MUC12: variants seen among roughly 807,000 people sequenced by gnomAD.
MUC12 encodes the protein mucin 12, cell surface associated.
Under a neutral mutation model 230.8 loss-of-function variants are expected in MUC12, and 172 were observed. The observed-to-expected ratio is 0.75, with a 90% CI of 0.66 to 0.85. The LOEUF (loss-of-function observed/expected upper bound fraction) is 0.85. Ranked by LOEUF, MUC12 falls within the 40% of genes least tolerant of loss-of-function variation. The probability of loss-of-function intolerance (pLI) is 0.00; values close to 1 mark genes in which losing one functional copy is unlikely to be tolerated. For missense variants in MUC12, 3,506 were observed against 5,920.6 expected (o/e 0.59, Z 13.38); for synonymous variants, 1,259 against 2,401.9 (o/e 0.52, Z 13.91).
In MUC12 at chr7:101,017,552, C is replaced by T. The variant is rs952463496; in HGVS notation, c.15878-23C>T. The T allele has an allele frequency of 1.5e-5, 22 of 1,490,540 alleles. No homozygotes were observed. In the African/African-American group the frequency reaches 2.9e-4, roughly 20 times the overall value. The allele number at this position is 1,490,540 out of a possible 1,614,324, so 92.3% of individuals were successfully genotyped here. ...CCTCCCCCTACCAAGGCTCCCATCA[C>T]TCATCACGGCCTCTCCCTACAGACC... is the stretch of plus-strand genomic sequence containing the variant. On this transcript the variant is annotated intron_variant, in intron 10 of 11. Transcript: ENST00000536621.
In MUC12 at chr7:100,991,590, A is replaced by G. The variant is rs565728518; in HGVS notation, c.1027A>G (p.Thr343Ala). 23 of 1,537,002 alleles carry G rather than the reference A, an allele frequency of 1.5e-5. No individual in the cohort carries two copies. In the South Asian group the frequency reaches 1.8e-4, roughly 12 times the overall value. ...VHSSPVATAT[T>A]PPPARSATSG... ...CAGCAGCCCAGTTGCAACTGCAACA[A>G]CACCCCCACCTGCCCGCTCCGCGAC... The change falls in exon 2 of 12, where the codon ACA becomes GCA. Residue 343 changes from threonine to alanine, a missense_variant. Thr to Ala is a moderately conservative substitution (Grantham distance 58, BLOSUM62 0). Coordinates refer to ENST00000536621, the MANE Select transcript of MUC12 (RefSeq NM_001164462.2).
rs1183953265 is a variant in MUC12 at position 100,993,386 on chromosome 7, C to T, written c.2823C>T (p.Asn941=). 2.9e-6 allele frequency: 3 copies of T among 1,025,884 alleles called. 1 individual carries two copies. The African/African-American group carries it at 6.9e-5, about 24-fold the overall frequency. 63.5% of individuals were successfully genotyped at this position (1,025,884 alleles called of 1,614,324 possible). A position where few individuals can be genotyped will look rare whatever the true frequency, so the allele number is the denominator to read the frequency against. ...FGQESTTFHS[N]PGSTHTTLFP... is the part of the protein sequence containing the mutation. The stretch of plus-strand genomic sequence containing the variant: ...AAGAATCTACAACCTTCCACAGCAA[C>T]CCAGGCTCCACTCACACAACACTCT... Residue 941 remains asparagine, a synonymous_variant, in exon 2 of 12, where the codon AAC becomes AAT. Transcript: ENST00000536621.
chr7:101,018,693 A>G lies in MUC12; in HGVS notation c.*57A>G. The G allele has an allele frequency of 1.3e-6, 2 of 1,497,054 alleles. No homozygotes were observed. The highest frequency in any genetic ancestry group is 1.8e-6 in the Non-Finnish European group (2 of 1,120,070). 92.7% of individuals were successfully genotyped at this position (1,497,054 alleles called of 1,614,324 possible). On this transcript the variant is annotated 3_prime_UTR_variant, in exon 12 of 12. Coordinates refer to ENST00000536621, the MANE Select transcript of MUC12 (RefSeq NM_001164462.2). ...CTGTTCAGGAGAGCTGCAAACACAG[A>G]GCCCACCACAAGCCTCCGGGGCGGG...
chr7:101,003,433 C>T lies in MUC12; in HGVS notation c.12870C>T (p.Asn4290=), dbSNP rs777096366. Residue 4290 remains asparagine, a synonymous_variant, in exon 2 of 12, where the codon AAC becomes AAT. Coordinates refer to ENST00000536621, the MANE Select transcript of MUC12 (RefSeq NM_001164462.2). ...GSTETTLLPD[N]TTASGLLEAS... ...CTGAAACAACACTCTTACCTGACAA[C>T]ACCACAGCCTCAGGCCTCCTTGAAG... 7.9e-5 allele frequency: 119 copies of T among 1,513,656 alleles called. 5 individuals are homozygous for T. The highest frequency in any genetic ancestry group is 1.8e-4 in the Admixed American group (9 of 49,536). The allele number at this position is 1,513,656 out of a possible 1,614,324, so 93.8% of individuals were successfully genotyped here. A position where few individuals can be genotyped will look rare whatever the true frequency, so the allele number is the denominator to read the frequency against.
chr7:101,018,546 C>G, intron 11 of MUC12, 49 bp from the exon 12 acceptor site: 1 of 1,532,898 alleles, frequency 6.5e-7, no homozygotes, highest in Non-Finnish European at 8.7e-7. Flanking sequence ...GGGGCTCCCC[C>G]TTTCCCGGGT....
chr7:100,975,210 C>T (rs1793004699), intron 1 of MUC12, among the ~76,000 whole-genome samples: 4 of 152,304 alleles, frequency 2.6e-5, no homozygotes, highest in Admixed American at 2.0e-4. Flanking sequence ...GAACCACTAT[C>T]CTGTTTTATG....
chr7:100,995,424 G>C lies in MUC12; in HGVS notation c.4861G>C (p.Gly1621Arg), dbSNP rs77884908. The change falls in exon 2 of 12, where the codon GGC becomes CGC. Residue 1621 changes from glycine (G) to arginine (R), a missense_variant. By Grantham distance (125) the Gly-to-Arg change is moderately radical. Transcript: ENST00000536621. The stretch of plus-strand genomic sequence containing the variant: ...CTCCACAGACACAACATTGTCCCCT[G>C]GCAGTACCACAGCATCATCCCTTGG... ...PGSTDTTLSP[G>R]STTASSLGPE... The C allele has an allele frequency of 0.13, 189,875 of 1,470,112 alleles. 17,924 individuals are homozygous for C. The highest frequency in any genetic ancestry group is 0.29 in the African/African-American group (20,161 of 68,408). The allele number at this position is 1,470,112 out of a possible 1,614,324, so 91.1% of individuals were successfully genotyped here. A position where few individuals can be genotyped will look rare whatever the true frequency, so the allele number is the denominator to read the frequency against.
Position 100,992,853 on chromosome 7 carries a change from A to G in MUC12, c.2290A>G (p.Ser764Gly), listed in dbSNP as rs1183373612. Residue 764 changes from serine to glycine, a missense_variant, in exon 2 of 12, where the codon AGT becomes GGT. Ser to Gly is a moderately conservative substitution (Grantham distance 56, BLOSUM62 0). Coordinates refer to ENST00000536621, the MANE Select transcript of MUC12 (RefSeq NM_001164462.2). Reference protein sequence around the residue: ...FPDSSTTSGRSEESTASHSSQ... With the variant: ...FPDSSTTSGRGEESTASHSSQ... ...TGACAGCTCCACAACCTCAGGCCGTAGTGAGGAATCAACAGCATCGCACAG... is the reference window on the plus strand; with the variant it reads ...TGACAGCTCCACAACCTCAGGCCGTGGTGAGGAATCAACAGCATCGCACAG... The G allele has an allele frequency of 1.3e-6, 2 of 1,537,668 alleles. No homozygotes were observed. Among genetic ancestry groups the G allele is most frequent in the South Asian group, 2.4e-5 (2 of 84,048 alleles).
chr7:100,970,637 G>A (rs1336044928), intron 1 of MUC12, among the ~76,000 whole-genome samples: 1 of 152,146 alleles, frequency 6.6e-6, no homozygotes, highest in Non-Finnish European at 1.5e-5. Flanking sequence ...ACTTTGGGAT[G>A]CCGAGGCAGG....
At chr7:100,988,386 T>G (rs1351450360) in intron 1 of MUC12, among the ~76,000 whole-genome samples, 1 of 151,780 alleles carries the variant, frequency 6.6e-6, no homozygotes, top group Non-Finnish European at 1.5e-5. Flanking sequence ...GTGACCAGCC[T>G]GCTCTCCCTT....
chr7:100,992,842 C>T lies in MUC12; in HGVS notation c.2279C>T (p.Thr760Ile), dbSNP rs778569140. The T allele has an allele frequency of 2.6e-6, 4 of 1,537,698 alleles. No individual in the cohort carries two copies. Among genetic ancestry groups the T allele is most frequent in the Non-Finnish European group, 3.5e-6 (4 of 1,147,038 alleles). Residue 760 changes from threonine to isoleucine, a missense_variant, in exon 2 of 12, where the codon ACC (threonine) becomes ATC (isoleucine). Physicochemically the swap from Thr to Ile is moderately conservative, Grantham distance 89. Coordinates refer to ENST00000536621, the MANE Select transcript of MUC12 (RefSeq NM_001164462.2). ...ATTHFPDSST[T>I]SGRSEESTAS... ...ACACACTTCCCTGACAGCTCCACAA[C>T]CTCAGGCCGTAGTGAGGAATCAACA...
chr7:100,988,629 G>A (rs1240653687), intron 1 of MUC12, among the ~76,000 whole-genome samples: 2 of 152,156 alleles, frequency 1.3e-5, no homozygotes, highest in Non-Finnish European at 2.9e-5. Context: ...TCCATGGAAC[G>A]GGTGACTGCC....
chr7:100,977,684 A>C (rs1304702583), intron 1 of MUC12, among the ~76,000 whole-genome samples: 1 of 148,650 alleles, frequency 6.7e-6, no homozygotes, highest in Non-Finnish European at 1.5e-5. Context: ...TTTTTAAAAA[A>C]ATGTTTATCT....
rs1478801695 is a variant in MUC12, at chr7:100,992,810, T to C, written c.2247T>C (p.Thr749=). 2 of 1,537,170 alleles carry C rather than the reference T, an allele frequency of 1.3e-6. No homozygotes were observed. Among genetic ancestry groups the C allele is most frequent in the Admixed American group, 3.9e-5 (2 of 50,942 alleles). Residue 749 remains threonine (T), a synonymous_variant, in exon 2 of 12, where the codon ACT becomes ACC. Transcript: ENST00000536621. ...GCTACCACAGCAGCCCGGGCTCAACTGCAACAACACACTTCCCTGACAGCT... is the reference window on the plus strand; with the variant it reads ...GCTACCACAGCAGCCCGGGCTCAACCGCAACAACACACTTCCCTGACAGCT... The part of the protein sequence containing the change: ...PTSYHSSPGS[T]ATTHFPDSST...
chr7:101,005,086 C>T lies in MUC12; in HGVS notation c.14523C>T (p.Thr4841=). ...SALSTVSPAS[T]TVPGLSEEST... is the part of the protein sequence containing the mutation. ...TGTCAACAGTGTCACCTGCCAGCAC[C>T]ACAGTGCCAGGCCTTAGTGAGGAAT... is the stretch of plus-strand genomic sequence containing the variant. The change falls in exon 2 of 12, where the codon ACC becomes ACT. Residue 4841 remains threonine, a synonymous_variant. Transcript: ENST00000536621. 2.6e-6 allele frequency: 4 copies of T among 1,537,844 alleles called. No homozygotes were observed. The highest frequency in any genetic ancestry group is 2.4e-5 in the East Asian group (1 of 40,932).
At position 101,004,612 on chromosome 7, in the gene MUC12, A is replaced by G. The variant is rs935448984; in HGVS notation, c.14049A>G (p.Ser4683=). ...CAACCTCCGGCCGTAGTGAGGAATC[A>G]ACAGCATCCCACAGCAGCCCAGATA... ...SSTTSGRSEE[S]TASHSSPDTN... The change falls in exon 2 of 12, where the codon TCA becomes TCG. Residue 4683 remains serine, a synonymous_variant. Coordinates refer to ENST00000536621, the MANE Select transcript of MUC12 (RefSeq NM_001164462.2). The G allele has an allele frequency of 5.9e-6, 9 of 1,535,834 alleles. No individual in the cohort carries two copies. The highest frequency in any genetic ancestry group is 7.9e-6 in the Non-Finnish European group (9 of 1,145,872).
intron 1 of MUC12, among the ~76,000 whole-genome samples, chr7:100,989,886 T>C (rs1339660697): frequency 3.3e-5 from 5 of 151,866 alleles, no homozygotes; most frequent in Non-Finnish European, 7.4e-5. Flanking sequence ...AGAGATGGGG[T>C]TTCACTATGT....
intron 5 of MUC12, among the ~76,000 whole-genome samples, chr7:101,009,870 T>TG (rs1393339357): frequency 6.6e-6 from 1 of 151,798 alleles, no homozygotes; most frequent in Non-Finnish European, 1.5e-5. Flanking sequence ...GGAGCAGTGA[T>TG]GGGGGAGGAG....
intron 1 of MUC12, among the ~76,000 whole-genome samples, chr7:100,981,100 G>T (rs1366577837): frequency 6.6e-6 from 1 of 152,230 alleles, no homozygotes; most frequent in Non-Finnish European, 1.5e-5. Flanking sequence ...ATATTTTGCT[G>T]TGTTTTGGAT....
Sources: allele counts gnomAD v4.1 joint callset (sites outside exome capture counted in the v4.1 genomes callset), GRCh38; gene constraint gnomAD v4.1.1; transcripts MANE v1.5; gene names NCBI Gene and HGNC (gene_info 2026-07-23, HGNC 2026-07-21).